SH3PXD2B: variants seen among roughly 807,000 people sequenced by gnomAD.
SH3PXD2B encodes SH3 and PX domain-containing protein 2B.
In SH3PXD2B, 37 loss-of-function variants were observed where a neutral mutation model predicts 73.1. The ratio of observed to expected loss-of-function variants is 0.51; its 90% CI spans 0.39 to 0.67. SH3PXD2B has a LOEUF of 0.67. Among genes scored for constraint, SH3PXD2B ranks in the 30% least tolerant of loss-of-function variants. The probability of loss-of-function intolerance (pLI) is 0.00; values close to 1 mark genes in which losing one functional copy is unlikely to be tolerated. For missense variants in SH3PXD2B, 1,053 were observed against 1,197.8 expected, an observed-to-expected ratio of 0.88 and a Z score of 1.78; for synonymous variants, 457 against 480.5, an observed-to-expected ratio of 0.95 and a Z score of 0.64.
At chr5:172,331,861 G>A (rs1242157536), downstream of SH3PXD2B, among the ~76,000 whole-genome samples, 1 of 152,198 alleles carries the variant, frequency 6.6e-6, no homozygotes, top group Non-Finnish European at 1.5e-5. Context: ...TACAAGAATC[G>A]CTCGAGCCTG....
chr5:172,430,578 G>A (rs931639671), intron 1 of SH3PXD2B, among the ~76,000 whole-genome samples: 3 of 152,198 alleles, frequency 2.0e-5, no homozygotes, highest in East Asian at 1.9e-4. Context: ...CCTGACTGGC[G>A]CCCAGGCTTC....
intron 1 of SH3PXD2B, among the ~76,000 whole-genome samples, chr5:172,443,184 A>G (rs903455582): frequency 6.6e-6 from 1 of 152,234 alleles, no homozygotes; most frequent in Non-Finnish European, 1.5e-5. Flanking sequence ...ACTTGGAAAT[A>G]GTAAGGAGTA....
chr5:172,404,984 C>T (rs528689648), intron 3 of SH3PXD2B, among the ~76,000 whole-genome samples: 64 of 152,320 alleles, frequency 4.2e-4, no homozygotes, highest in Admixed American at 3.7e-3. Context: ...ATGCCTATGC[C>T]GCAGGGCTGC....
intron 5 of SH3PXD2B, among the ~76,000 whole-genome samples, chr5:172,374,668 A>G (rs1280156887): frequency 6.6e-6 from 1 of 152,054 alleles, no homozygotes; most frequent in Non-Finnish European, 1.5e-5. Flanking sequence ...GTGACAGAGC[A>G]AGACTCCATC....
intron 1 of SH3PXD2B, among the ~76,000 whole-genome samples, chr5:172,446,107 A>T (rs1226067740): frequency 6.6e-6 from 1 of 152,168 alleles, no homozygotes; most frequent in Non-Finnish European, 1.5e-5. Context: ...CCCCCCGACA[A>T]GGGCTCTAGG....
chr5:172,357,056 C>T (rs564107633), intron 8 of SH3PXD2B, among the ~76,000 whole-genome samples: 28 of 139,956 alleles, frequency 2.0e-4, no homozygotes, highest in African/African-American at 6.9e-4. Flanking sequence ...GAATTCAAGG[C>T]TGCAGTGAGC....
Position 172,335,650 on chromosome 5 carries a change from G to A in SH3PXD2B, c.*2719C>T. 2 of 1,231,822 alleles carry A rather than the reference G, an allele frequency of 1.6e-6. No individual in the cohort carries two copies. Among genetic ancestry groups the A allele is most frequent in the Non-Finnish European group, 1.0e-6 (1 of 988,018 alleles). The allele number at this position is 1,231,822 out of a possible 1,614,324, so 76.3% of individuals were successfully genotyped here. On this transcript the variant is annotated 3_prime_UTR_variant, in exon 13 of 13. Coordinates refer to ENST00000311601, the MANE Select transcript of SH3PXD2B (RefSeq NM_001017995.3). Reference sequence around the variant, plus strand: ...ACGATGGGCCTGGACACTTTCTAGAGCCATGACTCCAGGGGAGTTCTGCAT... The same window carrying A: ...ACGATGGGCCTGGACACTTTCTAGAACCATGACTCCAGGGGAGTTCTGCAT...
intron 5 of SH3PXD2B, among the ~76,000 whole-genome samples, chr5:172,376,663 C>T (rs1757828934): frequency 6.6e-6 from 1 of 152,192 alleles, no homozygotes; most frequent in Non-Finnish European, 1.5e-5. Flanking sequence ...CCAGGGATAA[C>T]ATCACTGAGG....
chr5:172,404,478 G>A (rs1013157166), intron 3 of SH3PXD2B, among the ~76,000 whole-genome samples: 1 of 152,090 alleles, frequency 6.6e-6, no homozygotes, highest in African/African-American at 2.4e-5. Context: ...TTTTAGTAGA[G>A]AAGGGGTTTT....
chr5:172,440,214 C>T (rs530488042), intron 1 of SH3PXD2B, among the ~76,000 whole-genome samples: 18 of 152,370 alleles, frequency 1.2e-4, no homozygotes, highest in South Asian at 4.1e-4. Flanking sequence ...GCACCCACTA[C>T]GCGCAAGGCA....
chr5:172,380,424 T>C (rs1757917447), intron 5 of SH3PXD2B, among the ~76,000 whole-genome samples: 1 of 152,168 alleles, frequency 6.6e-6, no homozygotes, highest in South Asian at 2.1e-4. Flanking sequence ...ATCCTTTGAT[T>C]TACCTTGTGT....
chr5:172,381,754 G>A (rs1240145182), intron 5 of SH3PXD2B, among the ~76,000 whole-genome samples: 2 of 152,166 alleles, frequency 1.3e-5, no homozygotes, highest in East Asian at 3.9e-4. Context: ...CCTGCCTCAC[G>A]GGCTCAGCCT....
Position 172,338,401 on chromosome 5 carries a change from T to G in SH3PXD2B, c.2704A>C (p.Ile902Leu). 6.2e-7 allele frequency: 1 copy of G among 1,614,110 alleles called. No individual in the cohort carries two copies. The highest frequency in any genetic ancestry group is 8.5e-7 in the Non-Finnish European group (1 of 1,180,022). ...LSGAPSWEGW[I>L]PSNYLRKKP ...TTCTTTCTGAGATAGTTGGAAGGAA[T>G]CCACCCTTCCCAGGAAGGGGCTCCG... Residue 902 changes from isoleucine (I) to leucine (L), a missense_variant, in exon 13 of 13, where the codon ATT (isoleucine) becomes CTT (leucine). Around this residue, in one of 2 missense-constraint regions of SH3PXD2B, gnomAD observed 587 missense variants for 590.7 expected, o/e 0.99. Transcript: ENST00000311601. This position sits in a 1 kb window ranked among gnomAD's most constrained non-coding sequence, Gnocchi z 5.1.
chr5:172,354,960 A>C (rs1664479261), intron 8 of SH3PXD2B, among the ~76,000 whole-genome samples: 1 of 152,006 alleles, frequency 6.6e-6, no homozygotes, highest in Admixed American at 6.6e-5. Flanking sequence ...TCATCGCTGC[A>C]CTCTGGCAGG....
Position 172,358,837 on chromosome 5 carries a change from G to C in SH3PXD2B, c.603C>G (p.Val201=). 1.2e-6 allele frequency: 2 copies of C among 1,614,072 alleles called. No individual in the cohort carries two copies. Among genetic ancestry groups the C allele is most frequent in the Non-Finnish European group, 8.5e-7 (1 of 1,179,990 alleles). The change falls in exon 8 of 13, where the codon GTC becomes GTG. Residue 201 remains valine (V), a synonymous_variant. Coordinates refer to ENST00000311601, the MANE Select transcript of SH3PXD2B (RefSeq NM_001017995.3). ...FVSTAEEQGW[V]PATCLEGQDG... ...CCTGGCCTTCGAGGCACGTTGCAGG[G>C]ACCCAGCCTTGCTCCTCGGCAGTGC...
chr5:172,337,220 G>A lies in SH3PXD2B; in HGVS notation c.*1149C>T, dbSNP rs1756722641. The A allele has an allele frequency of 1.0e-6, 1 of 985,480 alleles. No individual in the cohort carries two copies. The highest frequency in any genetic ancestry group is 6.1e-5 in the Admixed American group (1 of 16,274). 61.0% of individuals were successfully genotyped at this position (985,480 alleles called of 1,614,324 possible). On this transcript the variant is annotated 3_prime_UTR_variant, in exon 13 of 13. Transcript: ENST00000311601. ...GTGGGCTGGAGGGATGGTGGGTGTG[G>A]GAGCAGCCACGAATGCCCCCTCACC...
chr5:172,401,000 G>C (rs778476319), intron 3 of SH3PXD2B, among the ~76,000 whole-genome samples: 2 of 152,122 alleles, frequency 1.3e-5, no homozygotes, highest in Non-Finnish European at 2.9e-5. Flanking sequence ...TCACTGCACT[G>C]GCCACCACTG....
intron 1 of SH3PXD2B, among the ~76,000 whole-genome samples, chr5:172,429,738 G>C (rs1050664296): frequency 6.6e-6 from 1 of 152,164 alleles, no homozygotes; most frequent in African/African-American, 2.4e-5. Flanking sequence ...CACTTCCCAT[G>C]TTTTCCCAGC....
At position 172,439,311 on chromosome 5, in the gene SH3PXD2B, G is replaced by A. The variant is rs565854590; in HGVS notation, c.75+14967C>T. Among the ~76,000 whole-genome samples, 3 of 143,484 alleles carry A rather than the reference G, an allele frequency of 2.1e-5. No individual in the cohort carries two copies. In the South Asian group the frequency reaches 6.6e-4, roughly 31 times the overall value. 94.1% of individuals were successfully genotyped at this position (143,484 alleles called of 152,430 possible). The stretch of plus-strand genomic sequence containing the variant: ...AAAAAACCCCAAAAAAAAACCACAG[G>A]CATCGGCTTTAGAATACCTGACTAT... On this transcript the variant is annotated intron_variant, in intron 1 of 12. Transcript: ENST00000311601.
Sources: allele counts gnomAD v4.1 joint callset (sites outside exome capture counted in the v4.1 genomes callset), GRCh38; gene constraint gnomAD v4.1.1; regional missense constraint gnomAD v4.1.1; non-coding constraint Gnocchi (gnomAD v3.1); transcripts MANE v1.5; gene names NCBI Gene and HGNC (gene_info 2026-07-23, HGNC 2026-07-21).